Variants in HDAC6 observed in about 807,000 individuals in gnomAD.
HDAC6 encodes the protein protein deacetylase HDAC6.
HDAC6 carries 5 observed loss-of-function variants against 88.9 expected under a neutral mutation model. The ratio of observed to expected loss-of-function variants is 0.06; its 90% CI spans 0.03 to 0.12. HDAC6 has a LOEUF of 0.12. Ranked by LOEUF, HDAC6 falls within the 10% of genes least tolerant of loss-of-function variation. The probability of loss-of-function intolerance (pLI) is 1.00; values close to 1 mark genes in which losing one functional copy is unlikely to be tolerated. For synonymous variants in HDAC6, 378 were observed against 398.0 expected (o/e 0.95, Z 0.60); for missense variants, 706 against 1,014.4 (o/e 0.70, Z 4.13).
rs200608395 is a variant in HDAC6, at chrX:48,806,321, T to C, written c.438-47T>C. ...GGGGGTTGGTGTATGGACAGCTCAGTTGGGGAAGAGACAGGGCCCTGAATC... is the reference window on the plus strand; with the variant it reads ...GGGGGTTGGTGTATGGACAGCTCAGCTGGGGAAGAGACAGGGCCCTGAATC... On this transcript the variant is annotated intron_variant, in intron 6 of 28. Coordinates refer to ENST00000334136, the MANE Select transcript of HDAC6 (RefSeq NM_006044.4). 57 of 851,122 alleles carry C rather than the reference T, an allele frequency of 6.7e-5. No homozygotes were observed. The East Asian group carries it at 1.3e-3, about 20-fold the overall frequency. The allele number at this position is 851,122 out of a possible 1,213,427, so 70.1% of individuals were successfully genotyped here.
rs781821341 is a variant in HDAC6, at chrX:48,803,136, C to T, written c.231C>T (p.Asn77=). The change falls in exon 4 of 29, where the codon AAC becomes AAT. Residue 77 remains asparagine (N), a synonymous_variant. Transcript: ENST00000334136. ...TTTTTTTTCCTCTGCAGGATCTGAA[C>T]CTTGAGGCTGAAGCACTGGCTGGCA... ...LIVGLQGMDL[N]LEAEALAGTG... 2 of 1,209,442 alleles carry T rather than the reference C, an allele frequency of 1.7e-6. No individual in the cohort carries two copies. The highest frequency in any genetic ancestry group is 2.2e-6 in the Non-Finnish European group (2 of 893,973).
At position 48,823,441 on chromosome X, in the gene HDAC6, G is replaced by A. The variant is rs1409712024; in HGVS notation, c.3042G>A (p.Gly1014=). 9.1e-6 allele frequency: 11 copies of A among 1,209,051 alleles called. No homozygotes were observed. Among genetic ancestry groups the A allele is most frequent in the African/African-American group, 1.8e-5 (1 of 57,076 alleles). The change falls in exon 25 of 29, where the codon GGG becomes GGA. Residue 1014 remains glycine, a synonymous_variant. Transcript: ENST00000334136. ...AGACTACGTCAGAGGAGGCTCCAGG[G>A]GGCACCGAGCTGATCCAAACTCCTC... ...LDQTTSEEAP[G]GTELIQTPLA...
At chrX:48,805,177 T>C (rs1440217011) in intron 4 of HDAC6, among the ~76,000 whole-genome samples, 1 of 111,368 alleles carries the variant, frequency 9.0e-6, no homozygotes, top group African/African-American at 3.3e-5. Context: ...CTAGCTGCTA[T>C]GCACAGAAAG....
chrX:48,803,075 T>A, intron 3 of HDAC6, 53 bp from the exon 4 acceptor site: 1 of 1,199,555 alleles, frequency 8.3e-7, no homozygotes, highest in Non-Finnish European at 1.1e-6. Context: ...GACAGTTCCC[T>A]CTGACTCAGG....
chrX:48,808,385 C>G (rs1557025108), intron 10 of HDAC6, 59 bp downstream of exon 10: 12 of 890,135 alleles, frequency 1.3e-5, no homozygotes, highest in Non-Finnish European at 1.6e-5. Flanking sequence ...CCTTACAGGC[C>G]CAGCCAGAAG....
In HDAC6 at chrX:48,824,044, T is replaced by C. The variant is rs377345806; in HGVS notation, c.3426T>C (p.Asn1142=). ...GGGACTGTGGAACAATCCAAGAGAA[T>C]TGGGTGTGTCTCTCTTGCTATCAGG... ...PCGDCGTIQE[N]WVCLSCYQVY... Residue 1142 remains asparagine, a synonymous_variant, in exon 27 of 29, where the codon AAT becomes AAC. Coordinates refer to ENST00000334136, the MANE Select transcript of HDAC6 (RefSeq NM_006044.4). The C allele has an allele frequency of 4.1e-6, 5 of 1,210,365 alleles. 1 individual carries two copies. The Admixed American group carries it at 8.7e-5, about 21-fold the overall frequency.
At position 48,806,605 on chromosome X, in the gene HDAC6, C is replaced by T. The variant is rs377532603; in HGVS notation, c.535-4C>T. ...CCCTTTCTGGCTCCCCACTGTCTCT[C>T]CAGAACTCATACTCCTGTGCCTGCC... On this transcript the variant is annotated splice_polypyrimidine_tract_variant and splice_region_variant and intron_variant, in intron 7 of 28. Transcript: ENST00000334136. 3.7e-5 allele frequency: 44 copies of T among 1,195,054 alleles called. No individual in the cohort carries two copies. Among genetic ancestry groups the T allele is most frequent in the Non-Finnish European group, 4.9e-5 (43 of 881,874 alleles).
At chrX:48,806,321 T>A in intron 6 of HDAC6, 47 bp from the exon 7 acceptor site, 1 of 852,729 alleles carries the variant, frequency 1.2e-6, no homozygotes, top group South Asian at 2.0e-5. Context: ...GACAGCTCAG[T>A]TGGGGAAGAG....
At chrX:48,803,052 G>A (rs1341625177) in intron 3 of HDAC6, 53 bp downstream of exon 3, 7 of 1,201,251 alleles carry the variant, frequency 5.8e-6, no homozygotes, top group African/African-American at 1.8e-5. Flanking sequence ...AAACCCAAAG[G>A]TTCCCCACCC....
intron 22 of HDAC6, chrX:48,819,868 G>T: frequency 2.1e-6 from 1 of 484,866 alleles, no homozygotes; most frequent in East Asian, 3.9e-5. Flanking sequence ...CCATCTCCAT[G>T]TCTCTAAGTC....
intron 24 of HDAC6, 36 bp downstream of exon 24, chrX:48,822,830 G>A: frequency 4.3e-6 from 5 of 1,171,152 alleles, no homozygotes; most frequent in Non-Finnish European, 5.7e-6. Flanking sequence ...GGAACCCAGG[G>A]AAGGAGGGGG....
chrX:48,808,477 A>G, intron 10 of HDAC6, 151 bp downstream of exon 10: 1 of 455,555 alleles, frequency 2.2e-6, no homozygotes, highest in Non-Finnish European at 3.8e-6. Flanking sequence ...TGTGTCTGCC[A>G]TCTCTCCTAA....
At chrX:48,816,756 GCAC>G in intron 19 of HDAC6, 123 bp downstream of exon 19, 2 of 442,715 alleles carry the variant, frequency 4.5e-6, no homozygotes, top group Non-Finnish European at 6.9e-6. Context: ...ATGGGGAGGG[GCAC>G]GGGAGGGGGT....
At position 48,806,702 on chromosome X, in the gene HDAC6, A is replaced by G. The variant is rs1354886886; in HGVS notation, c.628A>G (p.Ile210Val). 1 of 1,170,277 alleles carries G rather than the reference A, an allele frequency of 8.5e-7. No homozygotes were observed. Among genetic ancestry groups the G allele is most frequent in the Middle Eastern group, 2.4e-4 (1 of 4,238 alleles). The change falls in exon 8 of 29, where the codon ATT becomes GTT. Residue 210 changes from isoleucine (I) to valine (V), a missense_variant. Ile to Val is a conservative substitution (Grantham distance 29). This residue lies in a region of HDAC6 where 193 missense variants were observed against 258.2 expected (regional missense o/e 0.75). Coordinates refer to ENST00000334136, the MANE Select transcript of HDAC6 (RefSeq NM_006044.4). ...TGAGATCCGGAATGGCATGGCCATC[A>G]TTAGGTAGGACTCTACAGCATTTGA... ...GAEIRNGMAIIRPPGHHAQHS... is the reference protein window; with the variant it reads ...GAEIRNGMAIVRPPGHHAQHS...
Position 48,823,105 on chromosome X carries a change from G to A in HDAC6, c.2706G>A (p.Val902=). The change falls in exon 25 of 29, where the codon GTG becomes GTA. Residue 902 remains valine, a synonymous_variant. Coordinates refer to ENST00000334136, the MANE Select transcript of HDAC6 (RefSeq NM_006044.4). ...GCCAGACTAACTCAGAGACAGCTGT[G>A]GTGGCCCTCACTCAGGACCAGCCCT... is the stretch of plus-strand genomic sequence containing the variant. ...TPGQTNSETA[V]VALTQDQPSE... 5.0e-6 allele frequency: 6 copies of A among 1,210,838 alleles called. No homozygotes were observed. The highest frequency in any genetic ancestry group is 6.7e-6 in the Non-Finnish European group (6 of 894,976).
At chrX:48,803,400 T>C in intron 4 of HDAC6, 184 bp downstream of exon 4, 1 of 430,716 alleles carries the variant, frequency 2.3e-6, no homozygotes, top group South Asian at 3.5e-5. Context: ...GTGCCTATTG[T>C]GTGCCAAGAG....
In HDAC6 at chrX:48,808,072, C is replaced by G. The variant is rs782414761; in HGVS notation, c.672C>G (p.Gly224=). Residue 224 remains glycine, a synonymous_variant, in exon 9 of 29, where the codon GGC becomes GGG. Transcript: ENST00000334136. ...GHHAQHSLMD[G]YCMFNHVAVA... ...ACGCCCAGCACAGTCTTATGGATGG[C>G]TATTGCATGTTCAACCACGTGGCTG... 2.2e-5 allele frequency: 26 copies of G among 1,208,192 alleles called. No individual in the cohort carries two copies. The highest frequency in any genetic ancestry group is 2.7e-5 in the Non-Finnish European group (24 of 893,404).
intron 20 of HDAC6, 174 bp from the exon 21 acceptor site, chrX:48,817,867 G>A: frequency 2.1e-6 from 1 of 476,837 alleles, no homozygotes; most frequent in Non-Finnish European, 3.7e-6. Flanking sequence ...CCGAGCACTT[G>A]CTCAGGCCTA....
Position 48,817,173 on chromosome X carries a change from A to G in HDAC6, c.1792-153A>G, listed in dbSNP as rs2063001140. 1.2e-5 allele frequency: 7 copies of G among 568,896 alleles called. No homozygotes were observed. In the Admixed American group the frequency reaches 3.3e-4, roughly 27 times the overall value. The allele number at this position is 568,896 out of a possible 1,213,427, so 46.9% of individuals were successfully genotyped here. ...AGGCTGAGGCAGGAGAATGGCGGGA[A>G]CCTGGCAGGCGGCGCTTGCAGTGAG... On this transcript the variant is annotated intron_variant, in intron 19 of 28. Coordinates refer to ENST00000334136, the MANE Select transcript of HDAC6 (RefSeq NM_006044.4).
Sources: allele counts gnomAD v4.1 joint callset (sites outside exome capture counted in the v4.1 genomes callset), GRCh38; gene constraint gnomAD v4.1.1; regional missense constraint gnomAD v4.1.1; transcripts MANE v1.5; gene names NCBI Gene and HGNC (gene_info 2026-07-23, HGNC 2026-07-21).